The following TENM3 variants were observed in gnomAD, a reference collection of about 807,000 sequenced individuals.
TENM3 encodes the protein teneurin transmembrane protein 3, also known as teneurin-3.
TENM3 carries 63 observed loss-of-function variants against 255.1 expected under a neutral mutation model. The ratio of observed to expected loss-of-function variants is 0.25; its 90% CI spans 0.20 to 0.30. TENM3 has a LOEUF of 0.30. TENM3 is among the 10% of genes least tolerant of loss of function. The pLI, the probability that TENM3 is intolerant of heterozygous loss-of-function variation, is 1.00. For missense variants in TENM3, 2,929 were observed against 3,461.1 expected (o/e 0.85, Z 3.86); for synonymous variants, 1,306 against 1,322.3 (o/e 0.99, Z 0.27).
At chr4:181,561,205 C>T in the TENM3 span, among the ~76,000 whole-genome samples, 18 of 152,152 alleles carry the variant, frequency 1.2e-4, no homozygotes, top group African/African-American at 3.9e-4. Flanking sequence ...CCACCCATCT[C>T]GGCCTCCCAA....
chr4:182,600,896 T>G, intron 3 of TENM3, 28 bp from the exon 4 acceptor site: 1 of 1,064,982 alleles, frequency 9.4e-7, no homozygotes. Flanking sequence ...GAGTTCTCTT[T>G]CTTTTTTTTT....
chr4:182,752,241 T>C (rs1251329922), intron 20 of TENM3, among the ~76,000 whole-genome samples: 1 of 152,138 alleles, frequency 6.6e-6, no homozygotes, highest in African/African-American at 2.4e-5. Flanking sequence ...TTACAGTAAA[T>C]ACTAGGTTCT....
chr4:182,419,850 T>C (rs1770679222), intron 3 of TENM3, among the ~76,000 whole-genome samples: 1 of 130,610 alleles, frequency 7.7e-6, no homozygotes, highest in African/African-American at 2.9e-5. Flanking sequence ...GTGAGGAACA[T>C]CACACACCGG....
chr4:182,638,475 A>G (rs1752033373), intron 5 of TENM3, among the ~76,000 whole-genome samples: 1 of 151,636 alleles, frequency 6.6e-6, no homozygotes, highest in South Asian at 2.1e-4. Context: ...GGTGCAAAGA[A>G]TCTTACTCTG....
intron 1 of TENM3, among the ~76,000 whole-genome samples, chr4:182,182,056 T>A (rs1267035635): frequency 6.6e-6 from 1 of 152,182 alleles, no homozygotes; most frequent in Non-Finnish European, 1.5e-5. Flanking sequence ...TTTTTAAAAT[T>A]ATCTTTCTTC....
At chr4:182,581,155 TAAG>T (rs200068082) in intron 3 of TENM3, among the ~76,000 whole-genome samples, 1,988 of 152,250 alleles carry the variant, frequency 0.013, 23 homozygotes, top group Non-Finnish European at 0.023. Context: ...ACATAATAAA[TAAG>T]AAGAAATCAC....
At chr4:181,471,524 CAG>C in the TENM3 span, among the ~76,000 whole-genome samples, 2 of 152,168 alleles carry the variant, frequency 1.3e-5, no homozygotes, top group East Asian at 3.9e-4. Flanking sequence ...TTAAGACAAA[CAG>C]AGAAAGAAAG....
At chr4:181,676,114 C>T in the TENM3 span, among the ~76,000 whole-genome samples, 1 of 152,024 alleles carries the variant, frequency 6.6e-6, no homozygotes, top group Non-Finnish European at 1.5e-5. Flanking sequence ...ATTTAATTGA[C>T]AGACACCATT....
At chr4:181,680,650 G>T in the TENM3 span, among the ~76,000 whole-genome samples, 5 of 151,754 alleles carry the variant, frequency 3.3e-5, no homozygotes, top group Non-Finnish European at 7.4e-5. Context: ...AGAGAGTAAA[G>T]GTATCATAAT....
intron 3 of TENM3, among the ~76,000 whole-genome samples, chr4:182,570,484 ATCAG>A (rs972613266): frequency 2.6e-5 from 4 of 152,230 alleles, no homozygotes; most frequent in Non-Finnish European, 5.9e-5. Flanking sequence ...TCTGTGGAAA[ATCAG>A]TCAGCTAGAA....
chr4:181,531,144 C>T, the TENM3 span, among the ~76,000 whole-genome samples: 1 of 152,062 alleles, frequency 6.6e-6, no homozygotes, highest in Non-Finnish European at 1.5e-5. Context: ...ATTTTCTGCC[C>T]TGTGGATTAG....
chr4:182,560,922 G>GACATATGT (rs1743097957), intron 3 of TENM3, among the ~76,000 whole-genome samples: 1 of 152,198 alleles, frequency 6.6e-6, no homozygotes, highest in Admixed American at 6.5e-5. Context: ...TCTGAGTGTT[G>GACATATGT]ACATATGTAC....
intron 3 of TENM3, among the ~76,000 whole-genome samples, chr4:182,387,445 A>C (rs537597217): frequency 3.3e-5 from 5 of 152,266 alleles, no homozygotes; most frequent in African/African-American, 1.2e-4. Flanking sequence ...AAAATAGGCC[A>C]CTCGGCTCTA....
the TENM3 span, among the ~76,000 whole-genome samples, chr4:181,908,635 T>C: frequency 5.0e-3 from 760 of 152,290 alleles, 3 homozygotes; most frequent in Admixed American, 8.4e-3. Context: ...TTTTCAAGAA[T>C]AGATGCTAAG....
chr4:181,692,926 A>G, the TENM3 span, among the ~76,000 whole-genome samples: 5 of 152,186 alleles, frequency 3.3e-5, no homozygotes, highest in Non-Finnish European at 7.4e-5. Flanking sequence ...AGGAGAGGAC[A>G]TAGAAACTAC....
the TENM3 span, among the ~76,000 whole-genome samples, chr4:181,790,339 A>G: frequency 6.6e-6 from 1 of 152,190 alleles, no homozygotes; most frequent in Admixed American, 6.5e-5. Flanking sequence ...CACAAAAACA[A>G]TTTGATTTGC....
At chr4:182,791,684 C>G (rs1301129902) in intron 25 of TENM3, among the ~76,000 whole-genome samples, 2 of 152,150 alleles carry the variant, frequency 1.3e-5, no homozygotes, top group African/African-American at 2.4e-5. Context: ...ATTTATAGCT[C>G]TCATTCACCA....
At chr4:182,035,126 A>C in the TENM3 span, among the ~76,000 whole-genome samples, 5 of 152,108 alleles carry the variant, frequency 3.3e-5, no homozygotes, top group Non-Finnish European at 5.9e-5. Context: ...CTAAACAGTC[A>C]TTTTGTAAGG....
intron 1 of TENM3, among the ~76,000 whole-genome samples, chr4:182,293,010 C>G (rs189613905): frequency 4.8e-4 from 73 of 152,332 alleles, no homozygotes; most frequent in African/African-American, 1.8e-3. Flanking sequence ...TTGTCATGAA[C>G]ACACTCTAGC....
Sources: allele counts gnomAD v4.1 joint callset (sites outside exome capture counted in the v4.1 genomes callset), GRCh38; gene constraint gnomAD v4.1.1; transcripts MANE v1.5; gene names NCBI Gene and HGNC (gene_info 2026-07-23, HGNC 2026-07-21).